The following SNTG1 variants were observed in gnomAD, a reference collection of about 807,000 sequenced individuals.
SNTG1 encodes the protein syntrophin gamma 1, also known as gamma-1-syntrophin.
SNTG1 carries 39 observed loss-of-function variants against 74.7 expected under a neutral mutation model. That is an observed-to-expected ratio of 0.52 (90% CI 0.40 to 0.68). The LOEUF (loss-of-function observed/expected upper bound fraction) is 0.68, where lower values mean the gene tolerates loss of function less well. SNTG1 is among the 30% of genes least tolerant of loss of function. The pLI, the probability that SNTG1 is intolerant of heterozygous loss-of-function variation, is 0.00. For missense variants in SNTG1, 685 were observed against 609.5 expected (o/e 1.12, Z -1.30); for synonymous variants, 254 against 217.1 (o/e 1.17, Z -1.49).
At chr8:50,588,655 A>G (rs2094670463) in intron 12 of SNTG1, among the ~76,000 whole-genome samples, 1 of 152,198 alleles carries the variant, frequency 6.6e-6, no homozygotes, top group African/African-American at 2.4e-5. Flanking sequence ...ATTCTTTTTG[A>G]ATATTTTTAC....
intron 4 of SNTG1, among the ~76,000 whole-genome samples, chr8:50,413,018 G>A (rs1453164294): frequency 6.6e-6 from 1 of 152,192 alleles, no homozygotes; most frequent in African/African-American, 2.4e-5. Context: ...GTCATAGACT[G>A]ATATCAAGAT....
intron 1 of SNTG1, among the ~76,000 whole-genome samples, chr8:49,916,269 A>G (rs144144062): frequency 1.7e-3 from 260 of 152,260 alleles, no homozygotes; most frequent in African/African-American, 6.0e-3. Flanking sequence ...GAGGTCATTA[A>G]AATAATGTCT....
chr8:49,920,518 AC>A, intron 1 of SNTG1, among the ~76,000 whole-genome samples: 1 of 152,180 alleles, frequency 6.6e-6, no homozygotes, highest in Non-Finnish European at 1.5e-5. Flanking sequence ...TATAGGCTTG[AC>A]TTGCTTTAGA....
chr8:49,950,505 A>G (rs988422392), intron 1 of SNTG1, among the ~76,000 whole-genome samples: 4 of 152,170 alleles, frequency 2.6e-5, no homozygotes, highest in Admixed American at 2.0e-4. Context: ...TAAGTAAAAT[A>G]CACCTTATTA....
chr8:49,918,412 G>C (rs1337811094), intron 1 of SNTG1, among the ~76,000 whole-genome samples: 2 of 152,090 alleles, frequency 1.3e-5, no homozygotes, highest in East Asian at 3.9e-4. Flanking sequence ...TTGATTAACA[G>C]TGAGACTAAG....
chr8:50,113,455 G>T (rs1011500881), intron 1 of SNTG1, among the ~76,000 whole-genome samples: 2 of 152,154 alleles, frequency 1.3e-5, no homozygotes, highest in African/African-American at 4.8e-5. Flanking sequence ...CTTTGCTGAA[G>T]TTGCTTATCA....
intron 2 of SNTG1, among the ~76,000 whole-genome samples, chr8:50,290,414 G>A (rs1034620093): frequency 6.6e-6 from 1 of 152,180 alleles, no homozygotes; most frequent in Non-Finnish European, 1.5e-5. Flanking sequence ...ATCGTAGGGT[G>A]AATAATGCCA....
chr8:50,039,121 T>C (rs1818404037), intron 1 of SNTG1, among the ~76,000 whole-genome samples: 2 of 152,060 alleles, frequency 1.3e-5, no homozygotes, highest in South Asian at 4.2e-4. Flanking sequence ...AGTCTCCACC[T>C]GGGTGTGATG....
intron 8 of SNTG1, among the ~76,000 whole-genome samples, chr8:50,454,033 CA>C (rs1409729014): frequency 1.3e-5 from 2 of 152,180 alleles, no homozygotes; most frequent in African/African-American, 4.8e-5. Context: ...GTTGTACCTC[CA>C]AGAGACCAAA....
intron 2 of SNTG1, among the ~76,000 whole-genome samples, chr8:50,341,986 A>T (rs188575342): frequency 6.6e-6 from 1 of 152,054 alleles, no homozygotes; most frequent in Non-Finnish European, 1.5e-5. Flanking sequence ...TTTCTATTCC[A>T]AATATTGTGC....
chr8:50,281,069 A>G (rs2088421966), intron 2 of SNTG1, among the ~76,000 whole-genome samples: 1 of 152,070 alleles, frequency 6.6e-6, no homozygotes, highest in African/African-American at 2.4e-5. Flanking sequence ...CAGAATTTTA[A>G]TTTCCCCATT....
chr8:50,000,145 A>T (rs1349586455), intron 1 of SNTG1, among the ~76,000 whole-genome samples: 3 of 152,140 alleles, frequency 2.0e-5, no homozygotes, highest in African/African-American at 7.2e-5. Context: ...TCCAGATGTC[A>T]TCTTTTCATA....
At chr8:50,779,908 A>G (rs2095653636) in intron 18 of SNTG1, among the ~76,000 whole-genome samples, 1 of 131,808 alleles carries the variant, frequency 7.6e-6, no homozygotes, top group Admixed American at 7.5e-5. Context: ...AGTTTTTAGC[A>G]TGAAGGGTTG....
intron 2 of SNTG1, among the ~76,000 whole-genome samples, chr8:50,173,302 T>C (rs868150792): frequency 4.6e-5 from 7 of 152,190 alleles, no homozygotes; most frequent in Middle Eastern, 3.2e-3. Context: ...GAGGTGAACG[T>C]GGCTAGAAAA....
At chr8:50,314,007 A>G (rs879457782) in intron 2 of SNTG1, among the ~76,000 whole-genome samples, 1 of 149,692 alleles carries the variant, frequency 6.7e-6, no homozygotes, top group Non-Finnish European at 1.5e-5. Flanking sequence ...TCTTATATAT[A>G]TCTTTTAATT....
At chr8:50,440,345 C>T (rs2093347048) in intron 5 of SNTG1, among the ~76,000 whole-genome samples, 2 of 151,918 alleles carry the variant, frequency 1.3e-5, no homozygotes, top group African/African-American at 4.8e-5. Context: ...ATACTTACCT[C>T]TGAACTTCAT....
intron 2 of SNTG1, among the ~76,000 whole-genome samples, chr8:50,298,451 A>G (rs1004754323): frequency 2.0e-5 from 3 of 152,010 alleles, no homozygotes; most frequent in African/African-American, 7.2e-5. Flanking sequence ...GAGAAAACTC[A>G]TTTTCTTCAC....
At chr8:50,739,287 A>G (rs929737536) in intron 17 of SNTG1, among the ~76,000 whole-genome samples, 1 of 152,210 alleles carries the variant, frequency 6.6e-6, no homozygotes, top group African/African-American at 2.4e-5. Context: ...AAAGACATTT[A>G]TATAGCCAAC....
intron 2 of SNTG1, among the ~76,000 whole-genome samples, chr8:50,256,777 TGTGTGTGC>T (rs974200644): frequency 3.6e-5 from 1 of 27,404 alleles, no homozygotes; most frequent in African/African-American, 4.7e-5. Context: ...GAAAAAAGGG[TGTGTGTGC>T]GTGTGTGTGT....
Sources: allele counts gnomAD v4.1 joint callset (sites outside exome capture counted in the v4.1 genomes callset), GRCh38; gene constraint gnomAD v4.1.1; transcripts MANE v1.5; gene names NCBI Gene and HGNC (gene_info 2026-07-23, HGNC 2026-07-21).